The following CLEC4F variants were observed in gnomAD, a reference collection of about 807,000 sequenced individuals.
The protein encoded by CLEC4F is C-type (calcium dependent, carbohydrate-recognition domain) lectin, superfamily member 13.
A neutral mutation model predicts 53.4 loss-of-function variants in CLEC4F; 45 were observed. The ratio of observed to expected loss-of-function variants is 0.84; its 90% CI spans 0.66 to 1.08. The LOEUF is 1.08. Ranked by LOEUF, CLEC4F falls within the 50% of genes least tolerant of loss-of-function variation. The probability of loss-of-function intolerance (pLI) is 0.00; values close to 1 mark genes in which losing one functional copy is unlikely to be tolerated. For missense variants in CLEC4F, 753 were observed against 698.2 expected (o/e 1.08, Z -0.88); for synonymous variants, 245 against 257.5 (o/e 0.95, Z 0.46).
upstream of CLEC4F, among the ~76,000 whole-genome samples, chr2:70,823,122 TGTG>T (rs1677269264): frequency 1.4e-5 from 1 of 73,282 alleles, no homozygotes; most frequent in Non-Finnish European, 3.2e-5. Context: ...TGTGTGTGTT[TGTG>T]TGTGTGTGTG....
At chr2:70,810,079 A>G (rs781929303) in intron 5 of CLEC4F, among the ~76,000 whole-genome samples, 1 of 152,160 alleles carries the variant, frequency 6.6e-6, no homozygotes, top group Non-Finnish European at 1.5e-5. Flanking sequence ...GGGTAAAACC[A>G]AAGGAAAACA....
intron 3 of CLEC4F, among the ~76,000 whole-genome samples, chr2:70,817,814 A>AC (rs1194983595): frequency 6.6e-6 from 1 of 152,166 alleles, no homozygotes; most frequent in Non-Finnish European, 1.5e-5. Flanking sequence ...AAGAGCCAGC[A>AC]CCCCCAGTGT....
At chr2:70,813,543 CTTTCTTTCTTTT>C (rs1558612300) in intron 4 of CLEC4F, among the ~76,000 whole-genome samples, 1 of 147,748 alleles carries the variant, frequency 6.8e-6, no homozygotes, top group Admixed American at 6.7e-5. Flanking sequence ...TTCTTTTTTT[CTTTCTTTCTTTT>C]TTTCTTTCTT....
intron 5 of CLEC4F, 140 bp from the exon 6 acceptor site, chr2:70,809,997 A>G: frequency 1.5e-6 from 1 of 645,308 alleles, no homozygotes; most frequent in Non-Finnish European, 2.8e-6. Context: ...AAACACTTTT[A>G]TCTCATTTGG....
chr2:70,820,404 C>T (rs1178981461), intron 1 of CLEC4F, 59 bp downstream of exon 1: 22 of 1,489,676 alleles, frequency 1.5e-5, no homozygotes, highest in Non-Finnish European at 2.0e-5. Context: ...TGGCAGAGGG[C>T]CAAAGGACAG....
Position 70,820,584 on chromosome 2 carries a change from G to T in CLEC4F, c.-61C>A. The T allele has an allele frequency of 6.7e-7, 1 of 1,501,698 alleles. No homozygotes were observed. The highest frequency in any genetic ancestry group is 9.0e-7 in the Non-Finnish European group (1 of 1,108,140). The allele number at this position is 1,501,698 out of a possible 1,614,324, so 93.0% of individuals were successfully genotyped here. A position where few individuals can be genotyped will look rare whatever the true frequency, so the allele number is the denominator to read the frequency against. On this transcript the variant is annotated 5_prime_UTR_variant, in exon 1 of 7. Coordinates refer to ENST00000272367, the MANE Select transcript of CLEC4F (RefSeq NM_173535.3). ...CACTGGCTCCTGGAAGGGCCGTCCC[G>T]TGGACCAATGGCAGTGGAAGCAAAG...
rs782273692 is a variant in CLEC4F at position 70,816,090 on chromosome 2, T to C, written c.1291A>G (p.Thr431Ala). 1.2e-6 allele frequency: 2 copies of C among 1,614,218 alleles called. No homozygotes were observed. The highest frequency in any genetic ancestry group is 1.1e-5 in the South Asian group (1 of 91,086). ...IQRLRGDLEN[T>A]KALTMEIQQE... ...TGGATTTCCATGGTTAGAGCTTTGG[T>C]GTTCTCTAGATCCCCTCTTAACCTC... The change falls in exon 4 of 7, where the codon ACC becomes GCC. Residue 431 changes from threonine (T) to alanine (A), a missense_variant. Transcript: ENST00000272367.
At chr2:70,818,626 G>T (rs1219769063) in intron 3 of CLEC4F, among the ~76,000 whole-genome samples, 3 of 151,948 alleles carry the variant, frequency 2.0e-5, no homozygotes, top group Non-Finnish European at 4.4e-5. Context: ...CAGGAGAATG[G>T]CATGAACCTG....
In CLEC4F at chr2:70,819,815, A is replaced by G; in HGVS notation, c.138T>C (p.Ala46=). The G allele has an allele frequency of 6.2e-7, 1 of 1,608,416 alleles. No homozygotes were observed. The highest frequency in any genetic ancestry group is 8.5e-7 in the Non-Finnish European group (1 of 1,177,518). Residue 46 remains alanine (A), a synonymous_variant, in exon 2 of 7, where the codon GCT becomes GCC. Coordinates refer to ENST00000272367, the MANE Select transcript of CLEC4F (RefSeq NM_173535.3). ...TCACAAGAGAGAAGACCAAGGTCAC[A>G]GCCATAAATGCCGGGGTAGCCTGAA... ...RLVQATPAFM[A]VTLVFSLVTL... is the part of the protein sequence containing the mutation.
intron 5 of CLEC4F, 130 bp downstream of exon 5, chr2:70,812,317 T>C: frequency 1.1e-6 from 1 of 947,600 alleles, no homozygotes. Context: ...TCACTCAATA[T>C]TTGCTCCCTG....
At position 70,817,000 on chromosome 2, in the gene CLEC4F, T is replaced by G. The variant is rs1553396463; in HGVS notation, c.381A>C (p.Arg127Ser). The G allele has an allele frequency of 1.9e-6, 3 of 1,614,106 alleles. No homozygotes were observed. In the African/African-American group the frequency reaches 4.0e-5, roughly 22 times the overall value. The change falls in exon 4 of 7, where the codon AGA becomes AGC. Residue 127 changes from arginine (R) to serine (S), a missense_variant. By Grantham distance (110) the Arg-to-Ser change is moderately radical (BLOSUM62 -1). Coordinates refer to ENST00000272367, the MANE Select transcript of CLEC4F (RefSeq NM_173535.3). Reference protein sequence around the residue: ...WVVEIQMLKCRVDNVNSQLQV... With the variant: ...WVVEIQMLKCSVDNVNSQLQV... ...GGAGCTGCGAATTGACATTGTCCAC[T>G]CTGCACTTCAACATCTGGATTTCTA...
chr2:70,811,278 T>A, intron 5 of CLEC4F: 1 of 1,029,834 alleles, frequency 9.7e-7, no homozygotes, highest in Non-Finnish European at 1.5e-6. Flanking sequence ...CCATACACCT[T>A]CATCTTGGCC....
At position 70,816,226 on chromosome 2, in the gene CLEC4F, A is replaced by G; in HGVS notation, c.1155T>C (p.Asn385=). The part of the protein sequence containing the change: ...QIQVLNGHMK[N]ASREIQTLKQ... ...TTAGGGTCTGTATCTCTCTGCTGGC[A>G]TTTTTCATATGACCATTTAAGACCT... is the stretch of plus-strand genomic sequence containing the variant. Residue 385 remains asparagine (N), a synonymous_variant, in exon 4 of 7, where the codon AAT becomes AAC. Coordinates refer to ENST00000272367, the MANE Select transcript of CLEC4F (RefSeq NM_173535.3). 2 of 1,613,976 alleles carry G rather than the reference A, an allele frequency of 1.2e-6. No homozygotes were observed. The highest frequency in any genetic ancestry group is 1.6e-4 in the Middle Eastern group (1 of 6,062).
At position 70,817,032 on chromosome 2, in the gene CLEC4F, A is replaced by T. The variant is rs903765256; in HGVS notation, c.349T>A (p.Trp117Arg). ...FKGHMENSSA[W>R]VVEIQMLKCR... ...TTCAACATCTGGATTTCTACTACCC[A>T]GGCACTGGAATTCTCCATGTGGCCT... The change falls in exon 4 of 7, where the codon TGG becomes AGG. Residue 117 changes from tryptophan to arginine, a missense_variant. Coordinates refer to ENST00000272367, the MANE Select transcript of CLEC4F (RefSeq NM_173535.3). 6 of 1,614,148 alleles carry T rather than the reference A, an allele frequency of 3.7e-6. No homozygotes were observed. Among genetic ancestry groups the T allele is most frequent in the Non-Finnish European group, 5.1e-6 (6 of 1,180,032 alleles).
chr2:70,814,812 A>G (rs1251503787), intron 4 of CLEC4F, among the ~76,000 whole-genome samples: 1 of 149,334 alleles, frequency 6.7e-6, no homozygotes, highest in Admixed American at 6.8e-5. Flanking sequence ...CATTTAAAAA[A>G]GAATACTGAT....
intron 3 of CLEC4F, among the ~76,000 whole-genome samples, chr2:70,818,579 C>T (rs963876163): frequency 9.9e-5 from 15 of 151,812 alleles, no homozygotes; most frequent in African/African-American, 2.9e-4. Context: ...GGCGTGGTGG[C>T]GGGCGCCTGT....
chr2:70,815,238 T>A (rs1676831120), intron 4 of CLEC4F, among the ~76,000 whole-genome samples: 1 of 152,204 alleles, frequency 6.6e-6, no homozygotes, highest in South Asian at 2.1e-4. Flanking sequence ...CCTATTTGCT[T>A]GGCAAACACC....
At position 70,815,997 on chromosome 2, in the gene CLEC4F, G is replaced by A. The variant is rs1553395667; in HGVS notation, c.1384C>T (p.Gln462Ter). 3.1e-6 allele frequency: 5 copies of A among 1,611,370 alleles called. No homozygotes were observed. The highest frequency in any genetic ancestry group is 1.3e-5 in the African/African-American group (1 of 74,926). The change falls in exon 4 of 7, where the codon CAA (glutamine) becomes TAA (stop). Residue 462 changes from glutamine (Q) to a stop codon, truncating the protein, a stop_gained. Coordinates refer to ENST00000272367, the MANE Select transcript of CLEC4F (RefSeq NM_173535.3). LOFTEE classifies it high-confidence loss of function. ...GCGACTCCCCTCTCCCACTTACTTT[G>A]GGTTCTTTGTAGCTGTTCCTGTGAA... ...ITSQEQLQRT[Q>*]SQLLQMVLQG...
chr2:70,817,226 C>T, intron 3 of CLEC4F, 114 bp from the exon 4 acceptor site: 1 of 1,129,184 alleles, frequency 8.9e-7, no homozygotes, highest in Non-Finnish European at 1.2e-6. Context: ...CTGCACAGCC[C>T]TCAGTGCTCC....
Sources: allele counts gnomAD v4.1 joint callset (sites outside exome capture counted in the v4.1 genomes callset), GRCh38; gene constraint gnomAD v4.1.1; transcripts MANE v1.5; gene names NCBI Gene and HGNC (gene_info 2026-07-23, HGNC 2026-07-21).